Variants in CPNE8 observed in about 807,000 individuals in gnomAD.
CPNE8 encodes the protein copine 8, also known as copine-8.
A neutral mutation model predicts 81.5 loss-of-function variants in CPNE8; 45 were observed. The ratio of observed to expected loss-of-function variants is 0.55; its 90% CI spans 0.44 to 0.71. The LOEUF (loss-of-function observed/expected upper bound fraction) is 0.71. Among genes scored for constraint, CPNE8 ranks in the 30% least tolerant of loss-of-function variants. The probability of loss-of-function intolerance (pLI) is 0.00; values close to 1 mark genes in which losing one functional copy is unlikely to be tolerated. For missense variants in CPNE8, 594 were observed against 672.1 expected (o/e 0.88, Z 1.28); for synonymous variants, 252 against 226.3 (o/e 1.11, Z -1.02).
chr12:38,730,032 CAAT>C (rs1425466377), intron 11 of CPNE8, among the ~76,000 whole-genome samples: 4 of 151,880 alleles, frequency 2.6e-5, no homozygotes, highest in African/African-American at 7.2e-5. Context: ...GCTTAAGAAA[CAAT>C]AAACTTATAT....
chr12:38,772,986 G>A (rs916842514), intron 7 of CPNE8, among the ~76,000 whole-genome samples: 5 of 151,696 alleles, frequency 3.3e-5, no homozygotes, highest in Admixed American at 6.6e-5. Flanking sequence ...GCCTTAAAAA[G>A]GAAGAACATC....
At chr12:38,775,107 A>G (rs553166936) in intron 7 of CPNE8, among the ~76,000 whole-genome samples, 3 of 152,144 alleles carry the variant, frequency 2.0e-5, no homozygotes, top group East Asian at 3.9e-4. Flanking sequence ...TTGATCATCT[A>G]TCTATATTTG....
chr12:38,864,821 T>C (rs1383558867), intron 3 of CPNE8, among the ~76,000 whole-genome samples: 1 of 152,176 alleles, frequency 6.6e-6, no homozygotes, highest in Non-Finnish European at 1.5e-5. Context: ...GCACAGATCA[T>C]AAAGGATATG....
intron 3 of CPNE8, among the ~76,000 whole-genome samples, chr12:38,855,999 T>C (rs979011281): frequency 7.9e-5 from 12 of 151,858 alleles, no homozygotes; most frequent in African/African-American, 2.9e-4. Context: ...AATAAAATAA[T>C]AAATGAAAGA....
intron 6 of CPNE8, among the ~76,000 whole-genome samples, chr12:38,802,718 G>A (rs1192071446): frequency 1.3e-5 from 2 of 151,610 alleles, no homozygotes; most frequent in East Asian, 1.9e-4. Context: ...GAATCCAGGA[G>A]CTGGTTTTTT....
chr12:38,723,883 T>C (rs1009453867), intron 12 of CPNE8, 50 bp from the exon 13 acceptor site: 5 of 982,798 alleles, frequency 5.1e-6, no homozygotes, highest in Non-Finnish European at 8.0e-6. Context: ...TGACCCCAAA[T>C]AGACCTTTCT....
chr12:38,789,771 T>C (rs1007681433), intron 6 of CPNE8, among the ~76,000 whole-genome samples: 1 of 151,550 alleles, frequency 6.6e-6, no homozygotes, highest in Non-Finnish European at 1.5e-5. Context: ...AATAACCTCA[T>C]TGAAAAAATG....
At chr12:38,758,546 G>A (rs1565600776) in intron 10 of CPNE8, among the ~76,000 whole-genome samples, 2 of 152,102 alleles carry the variant, frequency 1.3e-5, no homozygotes, top group South Asian at 2.1e-4. Context: ...TATTGGAAGT[G>A]AACTGCCAGG....
chr12:38,702,886 G>A lies in CPNE8; in HGVS notation c.950C>T (p.Thr317Ile). 6.4e-7 allele frequency: 1 copy of A among 1,562,392 alleles called. No individual in the cohort carries two copies. Among genetic ancestry groups the A allele is most frequent in the Non-Finnish European group, 8.7e-7 (1 of 1,151,088 alleles). Reference sequence around the variant, plus strand: ...ATCAAAACACTCACCGTTTGATGCTGTAAAATCAATAGCCACTGTGAAATT... The same window carrying A: ...ATCAAAACACTCACCGTTTGATGCTATAAAATCAATAGCCACTGTGAAATT... The part of the protein sequence containing the change: ...QINFTVAIDF[T>I]ASNGNPAQPT... Residue 317 changes from threonine (T) to isoleucine (I), a missense_variant, in exon 14 of 20, where the codon ACA becomes ATA. Transcript: ENST00000331366.
At chr12:38,822,650 T>A (rs1301503510) in intron 6 of CPNE8, among the ~76,000 whole-genome samples, 3 of 152,134 alleles carry the variant, frequency 2.0e-5, no homozygotes, top group African/African-American at 7.2e-5. Flanking sequence ...ACATACCTAA[T>A]CAATTGTAAC....
At chr12:38,881,790 G>A (rs550446674) in intron 1 of CPNE8, among the ~76,000 whole-genome samples, 1 of 152,094 alleles carries the variant, frequency 6.6e-6, no homozygotes, top group Non-Finnish European at 1.5e-5. Context: ...AAGAACCTAC[G>A]GGTTTGAAGT....
chr12:38,827,013 C>CAAAAAAAAAA (rs56670584), intron 6 of CPNE8, among the ~76,000 whole-genome samples: 1 of 91,664 alleles, frequency 1.1e-5, no homozygotes, highest in African/African-American at 4.2e-5. Flanking sequence ...ACTAAAAATA[C>CAAAAAAAAAA]AAAAAAAAAA....
intron 10 of CPNE8, among the ~76,000 whole-genome samples, chr12:38,742,322 T>A (rs1482268651): frequency 6.6e-6 from 1 of 152,056 alleles, no homozygotes; most frequent in Non-Finnish European, 1.5e-5. Flanking sequence ...ATGTGGCACA[T>A]ATACACCACG....
chr12:38,717,431 A>G (rs181150497), intron 13 of CPNE8, among the ~76,000 whole-genome samples: 92 of 106,406 alleles, frequency 8.6e-4, no homozygotes, highest in East Asian at 2.5e-3. Flanking sequence ...AGTGTGGTGT[A>G]TATATATATA....
chr12:38,799,875 C>T (rs183472856), intron 6 of CPNE8, among the ~76,000 whole-genome samples: 37 of 151,726 alleles, frequency 2.4e-4, no homozygotes, highest in Middle Eastern at 3.4e-3. Context: ...GTTCCCTTTC[C>T]GAGTCAAAGA....
intron 16 of CPNE8, among the ~76,000 whole-genome samples, chr12:38,678,383 C>A (rs1308308377): frequency 1.3e-5 from 2 of 151,804 alleles, no homozygotes; most frequent in African/African-American, 4.8e-5. Context: ...TTCTAGATAT[C>A]TAGATTATAT....
intron 19 of CPNE8, among the ~76,000 whole-genome samples, chr12:38,655,273 T>A (rs1938792451): frequency 6.6e-6 from 1 of 152,166 alleles, no homozygotes; most frequent in South Asian, 2.1e-4. Context: ...GCTCCTGTAA[T>A]AGATTGCCTG....
At chr12:38,747,147 A>T (rs1308567275) in intron 10 of CPNE8, among the ~76,000 whole-genome samples, 1 of 152,238 alleles carries the variant, frequency 6.6e-6, no homozygotes, top group African/African-American at 2.4e-5. Flanking sequence ...GTAATAAAAC[A>T]CTATATGCTC....
At chr12:38,777,227 T>A (rs1174984663) in intron 6 of CPNE8, among the ~76,000 whole-genome samples, 1 of 152,150 alleles carries the variant, frequency 6.6e-6, no homozygotes, top group Admixed American at 6.5e-5. Context: ...GGTAAATGTA[T>A]AACTTTGTGT....
Sources: allele counts gnomAD v4.1 joint callset (sites outside exome capture counted in the v4.1 genomes callset), GRCh38; gene constraint gnomAD v4.1.1; transcripts MANE v1.5; gene names NCBI Gene and HGNC (gene_info 2026-07-23, HGNC 2026-07-21).